The following VGLL4 variants were observed in gnomAD, a reference collection of about 807,000 sequenced individuals.
The protein encoded by VGLL4 is transcription cofactor vestigial-like protein 4.
A neutral mutation model predicts 21.0 loss-of-function variants in VGLL4; 7 were observed. The ratio of observed to expected loss-of-function variants is 0.33; its 90% CI spans 0.19 to 0.63. VGLL4 has a LOEUF of 0.63. Among genes scored for constraint, VGLL4 ranks in the 20% least tolerant of loss-of-function variants. VGLL4 has a pLI of 0.78. For synonymous variants in VGLL4, 222 were observed against 173.2 expected, an observed-to-expected ratio of 1.28 and a Z score of -2.21; for missense variants, 394 against 425.7, an observed-to-expected ratio of 0.93 and a Z score of 0.66.
upstream of VGLL4, among the ~76,000 whole-genome samples, chr3:11,645,864 A>T (rs2437677): frequency 1.8e-4 from 28 of 151,756 alleles, no homozygotes; most frequent in African/African-American, 5.8e-4. Flanking sequence ...CCCAGCTACT[A>T]GGGAGGCTGA....
chr3:11,571,570 C>T (rs1156413660), intron 2 of VGLL4, among the ~76,000 whole-genome samples: 1 of 151,928 alleles, frequency 6.6e-6, no homozygotes, highest in East Asian at 1.9e-4. Context: ...ATCCCAGCTA[C>T]TCAGGAGGAT....
In VGLL4 at chr3:11,626,042, G is replaced by A. The variant is rs185866064; in HGVS notation, c.82+17395C>T. ...AATTTAAACGAATGAATGGCATGGT[G>A]TACGAATTATATCTCAGCAAAGCTG... is the stretch of plus-strand genomic sequence containing the variant. On this transcript the variant is annotated intron_variant, in intron 1 of 4. Coordinates refer to ENST00000430365, the MANE Select transcript of VGLL4 (RefSeq NM_001128219.3). Among the ~76,000 whole-genome samples the A allele has an allele frequency of 3.3e-5, 5 of 152,300 alleles. No individual in the cohort carries two copies. In the South Asian group the frequency reaches 6.2e-4, roughly 19 times the overall value.
In VGLL4 at chr3:11,621,561, C is replaced by T. The variant is rs184701682; in HGVS notation, c.83-19539G>A. On this transcript the variant is annotated intron_variant, in intron 1 of 4. Transcript: ENST00000430365. ...TCGTATGGAGAAACCGCATTTTATC[C>T]ATTCATCAGCTGATGGGTATTTGGA... is the stretch of plus-strand genomic sequence containing the variant. Among the ~76,000 whole-genome samples, 416 of 152,278 alleles carry T rather than the reference C, an allele frequency of 2.7e-3. 4 individuals carry two copies. Among genetic ancestry groups the T allele is most frequent in the African/African-American group, 9.4e-3 (389 of 41,534 alleles).
At chr3:11,580,229 A>G (rs1371925216) in intron 2 of VGLL4, among the ~76,000 whole-genome samples, 3 of 151,688 alleles carry the variant, frequency 2.0e-5, no homozygotes, top group South Asian at 2.1e-4. Context: ...GACTTTCACT[A>G]CTCTAGGAAC....
In VGLL4 at chr3:11,667,842, CTTTTTTTTTT is replaced by C. The variant is rs746416276; in HGVS notation, c.64+35119_64+35128del. 1.4e-3 allele frequency among the ~76,000 whole-genome samples: 95 copies of C among 69,338 alleles called. 3 individuals are homozygous for C. The highest frequency in any genetic ancestry group is 7.4e-4 in the Non-Finnish European group (29 of 38,964). 45.5% of individuals were successfully genotyped at this position (69,338 alleles called of 152,430 possible). A position where few individuals can be genotyped will look rare whatever the true frequency, so the allele number is the denominator to read the frequency against. On this transcript the variant is annotated intron_variant, in intron 2 of 5. Coordinates refer to the VGLL4 transcript ENST00000273038. ...GAGGGTCTCAAATTTCTATCTTCTT[CTTTTTTTTTT>C]TTTTTTTTTTTTTTTTTTTGAGATG...
chr3:11,671,208 TTCAATTAAGAAATG>T (rs2076210400), intron 2 of VGLL4: 2 of 1,547,594 alleles, frequency 1.3e-6, no homozygotes, highest in African/African-American at 1.4e-5. Flanking sequence ...ATTAATTAAT[TTCAATTAAGAAATG>T]TCAATTAAGA....
At chr3:11,622,790 T>G (rs183133494) in intron 1 of VGLL4, among the ~76,000 whole-genome samples, 7 of 152,220 alleles carry the variant, frequency 4.6e-5, no homozygotes, top group Admixed American at 4.6e-4. Context: ...CGAGGGATTA[T>G]AGAATTAGCA....
chr3:11,569,781 T>A (rs534179040), intron 2 of VGLL4, among the ~76,000 whole-genome samples: 1 of 152,252 alleles, frequency 6.6e-6, no homozygotes, highest in South Asian at 2.1e-4. Context: ...ACTTGGAGGC[T>A]GAAGTGGGAG....
At chr3:11,610,705 A>G (rs2075044836) in intron 1 of VGLL4, 1 of 152,234 alleles carries the variant, frequency 6.6e-6, no homozygotes, top group South Asian at 2.1e-4. Flanking sequence ...TGCTAATAAT[A>G]TAGATAAGGA....
At chr3:11,607,383 C>G (rs2074968680) in intron 1 of VGLL4, 1 of 151,998 alleles carries the variant, frequency 6.6e-6, no homozygotes, top group Non-Finnish European at 1.5e-5. Flanking sequence ...AAGAGGGAGG[C>G]TCACAGGCAG....
At chr3:11,642,551 C>G (rs563398165) in intron 1 of VGLL4, among the ~76,000 whole-genome samples, 4 of 152,354 alleles carry the variant, frequency 2.6e-5, no homozygotes, top group African/African-American at 7.2e-5. Flanking sequence ...ACAGAAAACA[C>G]TCTTCCTGCC....
At position 11,562,749 on chromosome 3, in the gene VGLL4, G is replaced by A. The variant is rs527520236; in HGVS notation, c.495+2048C>T. Among the ~76,000 whole-genome samples, 3 of 152,242 alleles carry A rather than the reference G, an allele frequency of 2.0e-5. No individual in the cohort carries two copies. In the South Asian group the frequency reaches 6.2e-4, roughly 31 times the overall value. On this transcript the variant is annotated intron_variant, in intron 3 of 4. Transcript: ENST00000430365. ...AGGAGGGCAGGACTGACCAACCCCA[G>A]CCGAAAATGACAGCTCCGGTCAGGG...
At chr3:11,641,899 T>G (rs946655132) in intron 1 of VGLL4, among the ~76,000 whole-genome samples, 11 of 152,152 alleles carry the variant, frequency 7.2e-5, no homozygotes, top group Admixed American at 5.9e-4. Context: ...CCTAACAATC[T>G]TATATTTCTC....
intron 2 of VGLL4, chr3:11,582,158 A>G (rs2074245349): frequency 1.8e-6 from 2 of 1,114,286 alleles, no homozygotes; most frequent in Admixed American, 4.2e-5. Flanking sequence ...CTAAGCAAAG[A>G]CTACTCTACC....
At chr3:11,665,190 T>G (rs1447541170) in intron 2 of VGLL4, among the ~76,000 whole-genome samples, 1 of 131,578 alleles carries the variant, frequency 7.6e-6, no homozygotes, top group Non-Finnish European at 1.6e-5. Flanking sequence ...CTCGGCTCAC[T>G]GCAAGCTCCG....
intron 2 of VGLL4, among the ~76,000 whole-genome samples, chr3:11,696,827 C>A (rs1575540191): frequency 6.6e-6 from 1 of 152,202 alleles, no homozygotes; most frequent in African/African-American, 2.4e-5. Context: ...CAGCCTAGTA[C>A]TCCCAGGATC....
intron 2 of VGLL4, among the ~76,000 whole-genome samples, chr3:11,689,760 C>T (rs1411008879): frequency 6.6e-6 from 1 of 152,232 alleles, no homozygotes; most frequent in Non-Finnish European, 1.5e-5. Flanking sequence ...AGGCCAGCTA[C>T]CTGCAGGCTC....
In VGLL4 at chr3:11,719,660, T is replaced by A. The variant is rs1396855242; in HGVS notation, c.-14+734A>T. The A allele has an allele frequency of 6.6e-6, 1 of 152,192 alleles. No individual in the cohort carries two copies. The highest frequency in any genetic ancestry group is 1.5e-5 in the Non-Finnish European group (1 of 68,174). 9.4% of individuals were successfully genotyped at this position (152,192 alleles called of 1,614,324 possible). On this transcript the variant is annotated intron_variant, in intron 1 of 5. Transcript: ENST00000273038. The surrounding 1 kb of genome is among the most constrained non-coding windows in gnomAD (Gnocchi z 4.0). ...CCCTGGAATGAGGCACCGGCCAACC[T>A]GAGCCGGGCTCCGCCAGGCCAGCCA...
At chr3:11,650,329 C>T (rs2125341222) in intron 2 of VGLL4, among the ~76,000 whole-genome samples, 1 of 152,354 alleles carries the variant, frequency 6.6e-6, no homozygotes, top group African/African-American at 2.4e-5. Flanking sequence ...AGGCTAATTA[C>T]TAGGCTGATC....
Sources: allele counts gnomAD v4.1 joint callset (sites outside exome capture counted in the v4.1 genomes callset), GRCh38; gene constraint gnomAD v4.1.1; non-coding constraint Gnocchi (gnomAD v3.1); transcripts MANE v1.5; gene names NCBI Gene and HGNC (gene_info 2026-07-23, HGNC 2026-07-21).